The following SPAG9 variants were observed in gnomAD, a reference collection of about 807,000 sequenced individuals.
The protein encoded by SPAG9 is sperm associated antigen 9, also known as C-Jun-amino-terminal kinase-interacting protein 4.
Under a neutral mutation model 166.5 loss-of-function variants are expected in SPAG9, and 35 were observed. The observed-to-expected ratio is 0.21, with a 90% CI of 0.16 to 0.28. The LOEUF is 0.28. Ranked by LOEUF, SPAG9 falls within the 10% of genes least tolerant of loss-of-function variation. The pLI, the probability that SPAG9 is intolerant of heterozygous loss-of-function variation, is 1.00. For synonymous variants in SPAG9, 534 were observed against 565.5 expected, an observed-to-expected ratio of 0.94 and a Z score of 0.79; for missense variants, 1,235 against 1,603.3, an observed-to-expected ratio of 0.77 and a Z score of 3.92.
intron 1 of SPAG9, among the ~76,000 whole-genome samples, chr17:51,117,423 C>T (rs2049320830): frequency 6.6e-6 from 1 of 152,086 alleles, no homozygotes. Flanking sequence ...GCATTAAAGA[C>T]ACAAACAGGC....
intron 1 of SPAG9, among the ~76,000 whole-genome samples, chr17:51,110,757 G>C (rs1176680711): frequency 6.6e-6 from 1 of 152,028 alleles, no homozygotes; most frequent in Non-Finnish European, 1.5e-5. Context: ...AAATTCCCAT[G>C]GTTCACCTCA....
Position 50,993,798 on chromosome 17 carries a change from G to A in SPAG9, c.2364C>T (p.Cys788=). ...PGNILDSFTV[C]NSHVLCIASV... ...TTGCAATGCACAGAACATGAGAGTT[G>A]CAAACAGTGAAACTGTCTAGGATGT... The change falls in exon 19 of 30, where the codon TGC becomes TGT. Residue 788 remains cysteine (C), a synonymous_variant. Coordinates refer to ENST00000262013, the MANE Select transcript of SPAG9 (RefSeq NM_001130528.3). The A allele has an allele frequency of 2.5e-6, 4 of 1,614,104 alleles. No individual in the cohort carries two copies. The highest frequency in any genetic ancestry group is 2.2e-5 in the South Asian group (2 of 91,060).
At chr17:50,993,727 G>A in intron 19 of SPAG9, 37 bp downstream of exon 19, 1 of 1,601,682 alleles carries the variant, frequency 6.2e-7, no homozygotes, top group Admixed American at 1.7e-5. Flanking sequence ...GTAGGTGGAT[G>A]GAGGGGAGGG....
chr17:50,995,865 A>G (rs1213646158), intron 16 of SPAG9: 2 of 222,508 alleles, frequency 9.0e-6, no homozygotes, highest in Non-Finnish European at 1.8e-5. Context: ...AGGTCATGCT[A>G]TGTTGCCTAG....
rs773744655 is a variant in SPAG9 at position 51,041,641 on chromosome 17, G to A, written c.601C>T (p.Pro201Ser). The part of the protein sequence containing the change: ...TAHSRIRKER[P>S]ISLGIFPLPA... ...AATGGGAAAATTCCTAATGATATAG[G>A]GCGTTCTTTTCTATTTGAAGAGGGG... Residue 201 changes from proline to serine, a missense_variant, in exon 5 of 30, where the codon CCT (proline) becomes TCT (serine). Transcript: ENST00000262013. 6.8e-6 allele frequency: 11 copies of A among 1,610,344 alleles called. No individual in the cohort carries two copies. Among genetic ancestry groups the A allele is most frequent in the Non-Finnish European group, 9.3e-6 (11 of 1,178,936 alleles).
chr17:51,107,902 G>A (rs2048999868), intron 1 of SPAG9, among the ~76,000 whole-genome samples: 1 of 150,716 alleles, frequency 6.6e-6, no homozygotes, highest in South Asian at 2.1e-4. Flanking sequence ...GCAATAGCAT[G>A]AGACACTGTC....
At chr17:51,109,894 T>C (rs1383812323) in intron 1 of SPAG9, among the ~76,000 whole-genome samples, 3 of 152,036 alleles carry the variant, frequency 2.0e-5, no homozygotes, top group Admixed American at 2.0e-4. Context: ...ATATTTTTTG[T>C]AGAGACAAGG....
In SPAG9 at chr17:50,979,734, T is replaced by C; in HGVS notation, c.3409+12A>G. The C allele has an allele frequency of 6.2e-7, 1 of 1,602,034 alleles. No individual in the cohort carries two copies. ...CTTTGACTGGTAAAGATAAAACGCG[T>C]TGGAAGCTTACCTAACATTTTGCTT... is the stretch of plus-strand genomic sequence containing the variant. On this transcript the variant is annotated intron_variant, in intron 26 of 29. Transcript: ENST00000262013.
chr17:51,086,258 G>C (rs1286309570), intron 1 of SPAG9, among the ~76,000 whole-genome samples: 5 of 151,900 alleles, frequency 3.3e-5, no homozygotes, highest in Non-Finnish European at 7.4e-5. Flanking sequence ...GGGATTACAG[G>C]TGTGAGCCAC....
At chr17:51,073,229 G>A (rs2047873763) in intron 2 of SPAG9, among the ~76,000 whole-genome samples, 1 of 152,084 alleles carries the variant, frequency 6.6e-6, no homozygotes, top group Admixed American at 6.5e-5. Flanking sequence ...TCGGGAGGCT[G>A]AGGCAGGAGA....
chr17:51,102,864 T>C (rs2048845356), intron 1 of SPAG9, among the ~76,000 whole-genome samples: 1 of 152,134 alleles, frequency 6.6e-6, no homozygotes, highest in African/African-American at 2.4e-5. Flanking sequence ...CCAGCTGGCC[T>C]TGAATCCTGG....
chr17:51,069,515 G>A (rs186063691), intron 2 of SPAG9, among the ~76,000 whole-genome samples: 12 of 152,022 alleles, frequency 7.9e-5, no homozygotes, highest in African/African-American at 2.9e-4. Context: ...TGGTTTATGT[G>A]CTGTGAAAAT....
rs1440074474 is a variant in SPAG9, at chr17:50,963,099, C to T, written c.*3173G>A. The T allele has an allele frequency of 6.6e-6, 1 of 152,170 alleles. No homozygotes were observed. Among genetic ancestry groups the T allele is most frequent in the Non-Finnish European group, 1.5e-5 (1 of 68,038 alleles). 9.4% of individuals were successfully genotyped at this position (152,170 alleles called of 1,614,324 possible). A position where few individuals can be genotyped will look rare whatever the true frequency, so the allele number is the denominator to read the frequency against. The stretch of plus-strand genomic sequence containing the variant: ...GAGGCATATGATATTGTCGCTTTTG[C>T]AGATCAGCAATGGTTGAACACTGGC... On this transcript the variant is annotated 3_prime_UTR_variant, in exon 30 of 30. Transcript: ENST00000262013.
chr17:51,007,398 T>C (rs2045273363), intron 9 of SPAG9, 72 bp from the exon 10 acceptor site: 1 of 780,422 alleles, frequency 1.3e-6, no homozygotes, highest in East Asian at 2.9e-5. Context: ...AAATATAAGC[T>C]ATAGTCACAA....
Position 50,963,479 on chromosome 17 carries a change from A to AT in SPAG9, c.*2792dup, listed in dbSNP as rs1477493419. On this transcript the variant is annotated 3_prime_UTR_variant, in exon 30 of 30. Coordinates refer to ENST00000262013, the MANE Select transcript of SPAG9 (RefSeq NM_001130528.3). ...AGCCTTTAAAGCAAATTATACAGGC[A>AT]TTTTTGTCCTCTCTCTGGTCCCTGC... 3.3e-5 allele frequency: 5 copies of AT among 152,350 alleles called. No individual in the cohort carries two copies. In the South Asian group the frequency reaches 6.2e-4, roughly 19 times the overall value. 9.4% of individuals were successfully genotyped at this position (152,350 alleles called of 1,614,324 possible).
At chr17:51,040,634 G>A (rs1359316992) in intron 5 of SPAG9, among the ~76,000 whole-genome samples, 1 of 152,154 alleles carries the variant, frequency 6.6e-6, no homozygotes, top group Non-Finnish European at 1.5e-5. Flanking sequence ...AAACCTCATA[G>A]AATTTATGTT....
chr17:51,051,704 A>G (rs1214222553), intron 3 of SPAG9, among the ~76,000 whole-genome samples: 1 of 152,158 alleles, frequency 6.6e-6, no homozygotes, highest in Admixed American at 6.5e-5. Context: ...TGGGCAACAC[A>G]ACGAGACTCC....
chr17:51,016,529 AT>A (rs1194696169), intron 8 of SPAG9, among the ~76,000 whole-genome samples: 1 of 152,232 alleles, frequency 6.6e-6, no homozygotes, highest in Non-Finnish European at 1.5e-5. Context: ...TCTGCCAGTG[AT>A]TTAGTAACAG....
Position 51,078,977 on chromosome 17 carries a change from C to G in SPAG9, c.424+607G>C, listed in dbSNP as rs558089309. Among the ~76,000 whole-genome samples the G allele has an allele frequency of 1.1e-4, 16 of 152,250 alleles. No homozygotes were observed. The South Asian group carries it at 3.3e-3, about 32-fold the overall frequency. ...AAATAGAGGAAATGATCCACACATA[C>G]ACACACACTTGCATAATGGTTAAAG... is the stretch of plus-strand genomic sequence containing the variant. On this transcript the variant is annotated intron_variant, in intron 2 of 29. Transcript: ENST00000262013.
Sources: gnomAD v4.1 joint callset for allele counts (sites outside exome capture counted in the v4.1 genomes callset) on GRCh38, gnomAD v4.1.1 for gene constraint, MANE v1.5 for transcripts, NCBI Gene and HGNC (gene_info 2026-07-23, HGNC 2026-07-21) for gene names.